Variants in LEPR observed in about 807,000 individuals in gnomAD.
LEPR encodes the protein OB receptor.
In LEPR, 56 loss-of-function variants were observed where a neutral mutation model predicts 114.7. The observed-to-expected ratio is 0.49, with a 90% confidence interval of 0.39 to 0.61. LEPR has a LOEUF of 0.61. Among genes scored for constraint, LEPR ranks in the 20% least tolerant of loss-of-function variants. LEPR has a pLI of 0.00. For synonymous variants in LEPR, 443 were observed against 461.4 expected (o/e 0.96, Z 0.51); for missense variants, 1,202 against 1,352.9 (o/e 0.89, Z 1.75).
At chr1:65,587,156 A>G (rs1461254621) in intron 5 of LEPR, among the ~76,000 whole-genome samples, 2 of 152,054 alleles carry the variant, frequency 1.3e-5, no homozygotes, top group Non-Finnish European at 2.9e-5. Flanking sequence ...AGCAGAGAAT[A>G]TATTTGTTGT....
At chr1:65,566,201 C>CTTTTTT (rs35617332) in intron 3 of LEPR, among the ~76,000 whole-genome samples, 4 of 113,570 alleles carry the variant, frequency 3.5e-5, no homozygotes, top group Non-Finnish European at 3.6e-5. Flanking sequence ...TAGATTAATT[C>CTTTTTT]TTTTTTTTTT....
chr1:65,452,830 A>G (rs1646806383), intron 2 of LEPR, among the ~76,000 whole-genome samples: 1 of 151,952 alleles, frequency 6.6e-6, no homozygotes, highest in Non-Finnish European at 1.5e-5. Context: ...TTTTCTATTG[A>G]TTGGAGTAGT....
intron 2 of LEPR, among the ~76,000 whole-genome samples, chr1:65,490,556 C>T (rs968600064): frequency 4.6e-5 from 7 of 152,126 alleles, no homozygotes; most frequent in East Asian, 1.9e-4. Context: ...AACTTTTCCC[C>T]GTTCAATCCT....
intron 2 of LEPR, among the ~76,000 whole-genome samples, chr1:65,455,283 C>G (rs535889701): frequency 1.3e-5 from 2 of 152,196 alleles, no homozygotes; most frequent in Non-Finnish European, 2.9e-5. Flanking sequence ...TCTCTCAGCT[C>G]GTCGAAGTCA....
rs867194306 is a variant in LEPR at position 65,633,831 on chromosome 1, C to T, written c.2674-2360C>T. On this transcript the variant is annotated intron_variant, in intron 19 of 19. Transcript: ENST00000349533. This position sits in a 1 kb window ranked among gnomAD's most constrained non-coding sequence, Gnocchi z 4.1. ...CTTCCGTTTCAGTTAAAAGGAAGCC[C>T]GAAGTTGTGTTTGTGCTGCCCACAG... 1.1e-4 allele frequency: 110 copies of T among 985,286 alleles called. No individual in the cohort carries two copies. In the African/African-American group the frequency reaches 1.3e-3, roughly 12 times the overall value. 61.0% of individuals were successfully genotyped at this position (985,286 alleles called of 1,614,324 possible).
chr1:65,526,882 A>G (rs1275083795), intron 2 of LEPR, among the ~76,000 whole-genome samples: 1 of 152,234 alleles, frequency 6.6e-6, no homozygotes, highest in Non-Finnish European at 1.5e-5. Context: ...AATAAAAACA[A>G]TCTGTATTAA....
chr1:65,516,304 C>T (rs531394630), intron 2 of LEPR, among the ~76,000 whole-genome samples: 91 of 152,054 alleles, frequency 6.0e-4, no homozygotes, highest in African/African-American at 2.1e-3. Context: ...ATTAGCCCGG[C>T]GTGGTGGCAC....
chr1:65,575,168 TG>T (rs1378190115), intron 5 of LEPR, among the ~76,000 whole-genome samples: 1 of 152,180 alleles, frequency 6.6e-6, no homozygotes, highest in African/African-American at 2.4e-5. Context: ...TCAACTCCCT[TG>T]TCACTCCATT....
intron 2 of LEPR, among the ~76,000 whole-genome samples, chr1:65,464,192 A>G (rs1646981438): frequency 6.6e-6 from 1 of 152,144 alleles, no homozygotes; most frequent in Non-Finnish European, 1.5e-5. Context: ...ATTTTTAGAT[A>G]CGTTCCATCA....
At chr1:65,466,181 G>A (rs1055694588) in intron 2 of LEPR, among the ~76,000 whole-genome samples, 6 of 152,148 alleles carry the variant, frequency 3.9e-5, no homozygotes, top group African/African-American at 1.4e-4. Context: ...TCCATTCCAT[G>A]TTTAGTGCTT....
chr1:65,632,421 A>C (rs934837294), intron 19 of LEPR, among the ~76,000 whole-genome samples: 1 of 152,192 alleles, frequency 6.6e-6, no homozygotes, highest in Non-Finnish European at 1.5e-5. Flanking sequence ...GAGAGTATAA[A>C]TTAATCAGCT....
intron 11 of LEPR, among the ~76,000 whole-genome samples, chr1:65,608,494 A>G (rs1232031139): frequency 6.6e-6 from 1 of 152,154 alleles, no homozygotes; most frequent in East Asian, 1.9e-4. Context: ...ATTTCTAATC[A>G]GGTACTACTA....
intron 18 of LEPR, 21 bp from the exon 19 acceptor site, chr1:65,622,885 T>C: frequency 6.2e-7 from 1 of 1,612,974 alleles, no homozygotes; most frequent in Middle Eastern, 1.7e-4. Context: ...CTAATTTTGA[T>C]GCCCTGTTTA....
rs60771321 is a variant in LEPR at position 65,544,702 on chromosome 1, G to GTT, written c.-20-20836_-20-20835dup. Among the ~76,000 whole-genome samples, 128 of 149,070 alleles carry GTT rather than the reference G, an allele frequency of 8.6e-4. 1 individual carries two copies. The highest frequency in any genetic ancestry group is 3.6e-3 in the Middle Eastern group (1 of 278). Reference sequence around the variant, plus strand: ...CTGCATCTATTGAGACAATCATGCGGTTTTTTTTTGCATATAAATATAATA... The same window carrying GTT: ...CTGCATCTATTGAGACAATCATGCGGTTTTTTTTTTTGCATATAAATATAATA... On this transcript the variant is annotated intron_variant, in intron 2 of 19. Transcript: ENST00000349533.
intron 2 of LEPR, among the ~76,000 whole-genome samples, chr1:65,507,437 T>TTGTATGTG (rs1648789937): frequency 7.2e-6 from 1 of 138,776 alleles, no homozygotes; most frequent in Non-Finnish European, 1.5e-5. Context: ...TAGTATTCCA[T>TTGTATGTG]TGTGTGTGTG....
intron 2 of LEPR, among the ~76,000 whole-genome samples, chr1:65,505,439 C>G (rs1247922438): frequency 6.6e-6 from 1 of 152,184 alleles, no homozygotes; most frequent in Non-Finnish European, 1.5e-5. Context: ...CACCACGATT[C>G]CATTTTTCTG....
chr1:65,446,786 A>G (rs1047673168), intron 2 of LEPR, among the ~76,000 whole-genome samples: 1 of 152,056 alleles, frequency 6.6e-6, no homozygotes, highest in Non-Finnish European at 1.5e-5. Flanking sequence ...AGTCTTTTCA[A>G]ATCCTTAGCA....
intron 2 of LEPR, among the ~76,000 whole-genome samples, chr1:65,529,405 C>G (rs909350082): frequency 3.9e-4 from 59 of 151,878 alleles, no homozygotes; most frequent in Non-Finnish European, 5.4e-4. Context: ...GCCTGTAATC[C>G]CAGCTACTCC....
At chr1:65,439,020 G>A (rs75417229) in intron 2 of LEPR, among the ~76,000 whole-genome samples, 1,539 of 152,210 alleles carry the variant, frequency 0.01, 12 homozygotes, top group Admixed American at 0.012. Flanking sequence ...TTAAAATATT[G>A]GTGCAAAGCC....
Sources: gnomAD v4.1 joint callset for allele counts (sites outside exome capture counted in the v4.1 genomes callset) on GRCh38, gnomAD v4.1.1 for gene constraint, Gnocchi (gnomAD v3.1) non-coding constraint, MANE v1.5 for transcripts, NCBI Gene and HGNC (gene_info 2026-07-23, HGNC 2026-07-21) for gene names.